The following USP42 variants were observed in gnomAD, a reference collection of about 807,000 sequenced individuals.
The protein encoded by USP42 is ubiquitin carboxyl-terminal hydrolase 42.
A neutral mutation model predicts 113.0 loss-of-function variants in USP42; 23 were observed. The ratio of observed to expected loss-of-function variants is 0.20; its 90% CI spans 0.15 to 0.29. USP42 has a LOEUF of 0.29. USP42 is among the 10% of genes least tolerant of loss of function. The pLI is 1.00. For synonymous variants in USP42, 933 were observed against 699.0 expected (o/e 1.33, Z -5.28); for missense variants, 2,174 against 1,779.8 (o/e 1.22, Z -3.99).
At chr7:6,085,912 C>T in the USP42 span, among the ~76,000 whole-genome samples, 1 of 151,078 alleles carries the variant, frequency 6.6e-6, no homozygotes, top group East Asian at 1.9e-4. Context: ...CGTGCCCAGC[C>T]TATTAGTCTA....
At chr7:6,145,382 T>G in intron 9 of USP42, 134 bp from the exon 10 acceptor site, 1 of 1,060,658 alleles carries the variant, frequency 9.4e-7, no homozygotes, top group East Asian at 2.5e-5. Flanking sequence ...ATGCATTAGG[T>G]TTTTGCTAGA....
chr7:6,150,015 T>A lies in USP42; in HGVS notation c.1819T>A (p.Tyr607Asn). The A allele has an allele frequency of 6.2e-7, 1 of 1,613,044 alleles. No homozygotes were observed. Among genetic ancestry groups the A allele is most frequent in the Non-Finnish European group, 8.5e-7 (1 of 1,179,482 alleles). ...GCTGAACTCCAGCGTGCTGGTGCCC[T>A]ATGGCGCCGAGTCCTCTGAGGACTC... ...SKLNSSVLVP[Y>N]GAESSEDSDE... The change falls in exon 13 of 18, where the codon TAT (tyrosine) becomes AAT (asparagine). Residue 607 changes from tyrosine (Y) to asparagine (N), a missense_variant. Physicochemically the swap from Tyr to Asn is moderately radical, Grantham distance 143. Transcript: ENST00000306177.
At chr7:6,107,161 T>G (rs1214824593) in intron 1 of USP42, among the ~76,000 whole-genome samples, 1 of 152,220 alleles carries the variant, frequency 6.6e-6, no homozygotes, top group Non-Finnish European at 1.5e-5. Context: ...CAATGCTGTA[T>G]GGTTAATGAT....
In USP42 at chr7:6,111,348, C is replaced by A; in HGVS notation, c.215C>A (p.Ser72Ter). Residue 72 changes from serine (S) to a stop codon, truncating the protein, a stop_gained, in exon 2 of 18, where the codon TCA becomes TAA. Transcript: ENST00000306177. LOFTEE classifies it high-confidence loss of function. ...VYSSSSVPDKSKPSPQKDQAL... is the reference protein window; with the variant it reads ...VYSSSSVPDK ...TCGAGTTCATCTGTACCTGATAAAT[C>A]AAAACCATCACCACAAAAGGATCAA... 2 of 1,611,420 alleles carry A rather than the reference C, an allele frequency of 1.2e-6. No individual in the cohort carries two copies. Among genetic ancestry groups the A allele is most frequent in the South Asian group, 2.2e-5 (2 of 90,554 alleles).
chr7:6,119,087 T>G (rs1450552162), intron 3 of USP42, among the ~76,000 whole-genome samples: 5 of 151,520 alleles, frequency 3.3e-5, no homozygotes, highest in Non-Finnish European at 7.4e-5. Flanking sequence ...TGGGAACTCA[T>G]GCCTATAGTC....
chr7:6,143,075 C>A, intron 8 of USP42, 61 bp downstream of exon 8: 2 of 1,573,824 alleles, frequency 1.3e-6, no homozygotes, highest in Non-Finnish European at 1.7e-6. Flanking sequence ...GGCCGGCAGG[C>A]TTGGTTTGAG....
intron 3 of USP42, among the ~76,000 whole-genome samples, chr7:6,131,271 T>A (rs1177645637): frequency 6.6e-6 from 1 of 151,482 alleles, no homozygotes; most frequent in Non-Finnish European, 1.5e-5. Context: ...AGCCCAGGAG[T>A]CCGAGACCAG....
intron 1 of USP42, among the ~76,000 whole-genome samples, chr7:6,108,719 TC>T (rs1448142282): frequency 2.0e-5 from 3 of 152,142 alleles, no homozygotes; most frequent in Admixed American, 2.0e-4. Flanking sequence ...GACCTCGTGA[TC>T]CACCCGCCTT....
rs1324029208 is a variant in USP42 at position 6,154,012 on chromosome 7, G to A, written c.2458G>A (p.Asp820Asn). Residue 820 changes from aspartate (D) to asparagine (N), a missense_variant, in exon 15 of 18, where the codon GAT (aspartate) becomes AAT (asparagine). By Grantham distance (23) the Asp-to-Asn change is conservative (BLOSUM62 1). Transcript: ENST00000306177. ...GGACACAGCACCCCCTGACCTGTGT[G>A]ATCCCGGGAGCTTAACAGGCGATGC... Reference protein sequence around the residue: ...VGDTAPPDLCDPGSLTGDASP... With the variant: ...VGDTAPPDLCNPGSLTGDASP... 1 of 1,603,848 alleles carries A rather than the reference G, an allele frequency of 6.2e-7. No homozygotes were observed. Among genetic ancestry groups the A allele is most frequent in the Non-Finnish European group, 8.5e-7 (1 of 1,179,058 alleles).
chr7:6,091,975 TTTTTTC>T, the USP42 span, among the ~76,000 whole-genome samples: 1,023 of 132,080 alleles, frequency 7.7e-3, 8 homozygotes, highest in African/African-American at 0.014. Context: ...CAAGGACGTA[TTTTTTC>T]TTCTTCTTCT....
intron 2 of USP42, among the ~76,000 whole-genome samples, chr7:6,114,354 A>G (rs530654748): frequency 6.6e-6 from 1 of 152,060 alleles, no homozygotes; most frequent in African/African-American, 2.4e-5. Flanking sequence ...TAAATGTTCA[A>G]AGTGGATATA....
the USP42 span, among the ~76,000 whole-genome samples, chr7:6,097,850 A>G: frequency 6.7e-6 from 1 of 149,104 alleles, no homozygotes; most frequent in Non-Finnish European, 1.5e-5. Flanking sequence ...TCGGCCTCCC[A>G]AAGTGCTGGG....
intron 2 of USP42, among the ~76,000 whole-genome samples, chr7:6,112,258 G>C (rs902232161): frequency 3.3e-5 from 5 of 152,064 alleles, no homozygotes; most frequent in Non-Finnish European, 5.9e-5. Context: ...AGACCAGTCT[G>C]GCTAATATGG....
chr7:6,087,517 T>C, the USP42 span, among the ~76,000 whole-genome samples: 1 of 150,128 alleles, frequency 6.7e-6, no homozygotes, highest in Admixed American at 6.6e-5. Flanking sequence ...TAAAATTTTT[T>C]GTAGAGATGG....
In USP42 at chr7:6,139,114, T is replaced by C. The variant is rs751415609; in HGVS notation, c.576T>C (p.Phe192=). 3 of 1,609,452 alleles carry C rather than the reference T, an allele frequency of 1.9e-6. No individual in the cohort carries two copies. Among genetic ancestry groups the C allele is most frequent in the Admixed American group, 1.7e-5 (1 of 59,424 alleles). The part of the protein sequence containing the change: ...EMRRIARHFR[F]GNQEDAHEFL... The stretch of plus-strand genomic sequence containing the variant: ...CAGGTATAGCTAGGCACTTCCGTTT[T>C]GGAAACCAAGAAGATGCCCATGAAT... The change falls in exon 5 of 18, where the codon TTT becomes TTC. Residue 192 remains phenylalanine (F), a synonymous_variant. Coordinates refer to ENST00000306177, the MANE Select transcript of USP42 (RefSeq NM_032172.3). The surrounding 1 kb of genome is among the most constrained non-coding windows in gnomAD (Gnocchi z 4.5).
At chr7:6,112,256 C>T (rs889573813) in intron 2 of USP42, among the ~76,000 whole-genome samples, 3 of 152,092 alleles carry the variant, frequency 2.0e-5, no homozygotes, top group African/African-American at 7.2e-5. Context: ...TGAGACCAGT[C>T]TGGCTAATAT....
chr7:6,152,787 C>T (rs1782149568), intron 14 of USP42, among the ~76,000 whole-genome samples: 2 of 152,212 alleles, frequency 1.3e-5, no homozygotes, highest in Non-Finnish European at 2.9e-5. Context: ...TAATTTACTA[C>T]AGAACGTTTT....
At position 6,154,331 on chromosome 7, in the gene USP42, A is replaced by G. The variant is rs927961587; in HGVS notation, c.2777A>G (p.Asp926Gly). The stretch of plus-strand genomic sequence containing the variant: ...CCTAGCCCCGGCGAGAGGGTCGAGG[A>G]CGCCGCGGCGCCGAAAGCCCCAGGC... ...AEPSPGERVE[D>G]AAAPKAPGPS... Residue 926 changes from aspartate to glycine, a missense_variant, in exon 15 of 18, where the codon GAC becomes GGC. Coordinates refer to ENST00000306177, the MANE Select transcript of USP42 (RefSeq NM_032172.3). 2 of 1,572,734 alleles carry G rather than the reference A, an allele frequency of 1.3e-6. No individual in the cohort carries two copies. Among genetic ancestry groups the G allele is most frequent in the East Asian group, 2.4e-5 (1 of 42,236 alleles).
At chr7:6,100,004 C>CTATTATTATTATTAT (rs1554332997), upstream of USP42, among the ~76,000 whole-genome samples, 175 of 144,326 alleles carry the variant, frequency 1.2e-3, 5 homozygotes, top group African/African-American at 4.4e-3. Context: ...TTTCACAAGT[C>CTATTATTATTATTAT]TATTATTATT....
Sources: gnomAD v4.1 joint callset for allele counts (sites outside exome capture counted in the v4.1 genomes callset) on GRCh38, gnomAD v4.1.1 for gene constraint, Gnocchi (gnomAD v3.1) non-coding constraint, MANE v1.5 for transcripts, NCBI Gene and HGNC (gene_info 2026-07-23, HGNC 2026-07-21) for gene names.